Variants in LINGO2 observed in about 807,000 individuals in gnomAD.
LINGO2 encodes leucine rich repeat and Ig domain containing 2.
A neutral mutation model predicts 30.6 loss-of-function variants in LINGO2; 14 were observed. The observed-to-expected ratio is 0.46, with a 90% confidence interval of 0.30 to 0.72. LINGO2 has a LOEUF of 0.72. Ranked by LOEUF, LINGO2 falls within the 30% of genes least tolerant of loss-of-function variation. The pLI is 0.07. For missense variants in LINGO2, 729 were observed against 751.7 expected, an observed-to-expected ratio of 0.97 and a Z score of 0.35; for synonymous variants, 317 against 288.5, an observed-to-expected ratio of 1.10 and a Z score of -1.00.
chr9:28,740,830 T>C, the LINGO2 span, among the ~76,000 whole-genome samples: 1 of 152,070 alleles, frequency 6.6e-6, no homozygotes, highest in African/African-American at 2.4e-5. Context: ...GTTCAAAATA[T>C]TATACATTGT....
intron 4 of LINGO2, among the ~76,000 whole-genome samples, chr9:28,046,042 G>A (rs1824407604): frequency 6.6e-6 from 1 of 152,158 alleles, no homozygotes; most frequent in African/African-American, 2.4e-5. Context: ...AGTGGACATA[G>A]CTTGGTATGA....
intron 1 of LINGO2, among the ~76,000 whole-genome samples, chr9:28,650,000 G>C (rs909096454): frequency 1.3e-5 from 2 of 151,656 alleles, no homozygotes; most frequent in Non-Finnish European, 2.9e-5. Flanking sequence ...AGCCATCGTA[G>C]AGTGGCTGAA....
intron 1 of LINGO2, among the ~76,000 whole-genome samples, chr9:28,620,234 A>G (rs1363590576): frequency 1.3e-5 from 2 of 152,096 alleles, no homozygotes; most frequent in African/African-American, 4.8e-5. Flanking sequence ...TAGGACTCAA[A>G]TACCGGAAAA....
chr9:29,070,528 C>T, the LINGO2 span, among the ~76,000 whole-genome samples: 1 of 152,062 alleles, frequency 6.6e-6, no homozygotes, highest in African/African-American at 2.4e-5. Flanking sequence ...AAGAAGAAGG[C>T]TACCATCGCA....
At chr9:28,884,755 TTATATATAGTGTGTGTATA>T in the LINGO2 span, among the ~76,000 whole-genome samples, 1 of 74,354 alleles carries the variant, frequency 1.3e-5, no homozygotes, top group Non-Finnish European at 2.8e-5. Flanking sequence ...CACATACACA[TTATATATAGTGTGTGTATA>T]TATATATAGT....
At chr9:28,191,416 T>C (rs1337849314) in intron 4 of LINGO2, among the ~76,000 whole-genome samples, 1 of 152,182 alleles carries the variant, frequency 6.6e-6, no homozygotes, top group Non-Finnish European at 1.5e-5. Flanking sequence ...CTGCTGCCTG[T>C]GATTTCATTT....
At chr9:28,628,958 C>T (rs77445461) in intron 1 of LINGO2, among the ~76,000 whole-genome samples, 12,098 of 152,016 alleles carry the variant, frequency 0.08, 681 homozygotes, top group Admixed American at 0.2. Flanking sequence ...GTTTACCATT[C>T]GTAAAAGCAT....
chr9:28,046,427 C>T (rs1464416984), intron 4 of LINGO2, among the ~76,000 whole-genome samples: 2 of 152,164 alleles, frequency 1.3e-5, no homozygotes, highest in Admixed American at 6.5e-5. Context: ...ATTTGCATTT[C>T]TAACTGTGGT....
chr9:27,938,006 G>A, the LINGO2 span: 2 of 152,076 alleles, frequency 1.3e-5, no homozygotes, highest in East Asian at 3.9e-4. Context: ...AAAGCCCCAG[G>A]CAATAAATGT....
chr9:28,218,924 T>C (rs1390276607), intron 4 of LINGO2, among the ~76,000 whole-genome samples: 1 of 152,212 alleles, frequency 6.6e-6, no homozygotes, highest in African/African-American at 2.4e-5. Flanking sequence ...GAGTGCCACT[T>C]ATTTCAAATT....
At chr9:28,835,379 T>C in the LINGO2 span, among the ~76,000 whole-genome samples, 2 of 152,190 alleles carry the variant, frequency 1.3e-5, no homozygotes, top group Non-Finnish European at 2.9e-5. Context: ...TTTCCTGATA[T>C]AACATGCTTA....
chr9:29,013,268 C>G, the LINGO2 span, among the ~76,000 whole-genome samples: 1 of 152,100 alleles, frequency 6.6e-6, no homozygotes, highest in Non-Finnish European at 1.5e-5. Flanking sequence ...AAGAACTGCT[C>G]CAATGTGCTA....
At chr9:28,248,241 G>A (rs890718358) in intron 4 of LINGO2, among the ~76,000 whole-genome samples, 1 of 152,170 alleles carries the variant, frequency 6.6e-6, no homozygotes, top group Admixed American at 6.6e-5. Flanking sequence ...TGGAGGAAAT[G>A]TGGTACCTCT....
chr9:28,159,254 T>C (rs1828220412), intron 4 of LINGO2, among the ~76,000 whole-genome samples: 1 of 152,296 alleles, frequency 6.6e-6, no homozygotes, highest in African/African-American at 2.4e-5. Flanking sequence ...GCAAGTATCA[T>C]AATACTTGAG....
intron 1 of LINGO2, among the ~76,000 whole-genome samples, chr9:28,594,671 TA>T (rs1300788565): frequency 1.3e-5 from 2 of 152,088 alleles, no homozygotes; most frequent in Non-Finnish European, 1.5e-5. Flanking sequence ...AGGCTTAAGT[TA>T]ATGAGTTTCC....
intron 4 of LINGO2, among the ~76,000 whole-genome samples, chr9:28,144,304 C>A (rs973766617): frequency 6.6e-6 from 1 of 152,126 alleles, no homozygotes; most frequent in African/African-American, 2.4e-5. Context: ...AGGCCTATTA[C>A]AGTATTTCTC....
At chr9:28,820,707 C>A in the LINGO2 span, among the ~76,000 whole-genome samples, 4 of 152,156 alleles carry the variant, frequency 2.6e-5, no homozygotes, top group Non-Finnish European at 4.4e-5. Context: ...AGTCCTGGGG[C>A]CATTGTTAAG....
chr9:28,778,678 C>T, the LINGO2 span, among the ~76,000 whole-genome samples: 1 of 152,048 alleles, frequency 6.6e-6, no homozygotes, highest in Admixed American at 6.6e-5. Flanking sequence ...TGATGAAATA[C>T]CCTAGGGCCA....
chr9:28,354,209 A>G (rs1435398491), intron 3 of LINGO2, among the ~76,000 whole-genome samples: 1 of 152,146 alleles, frequency 6.6e-6, no homozygotes, highest in Non-Finnish European at 1.5e-5. Context: ...TAAGACATAT[A>G]TGTTTTTTAA....
Sources: gnomAD v4.1 joint callset for allele counts (sites outside exome capture counted in the v4.1 genomes callset) on GRCh38, gnomAD v4.1.1 for gene constraint, MANE v1.5 for transcripts, NCBI Gene and HGNC (gene_info 2026-07-23, HGNC 2026-07-21) for gene names.